The following CHMP3 variants were observed in gnomAD, a reference collection of about 807,000 sequenced individuals.
CHMP3 encodes the protein 25.1 protein.
CHMP3 carries 8 observed loss-of-function variants against 27.4 expected under a neutral mutation model. The ratio of observed to expected loss-of-function variants is 0.29; its 90% CI spans 0.17 to 0.53. CHMP3 has a LOEUF of 0.53. CHMP3 is among the 20% of genes least tolerant of loss of function. The pLI, the probability that CHMP3 is intolerant of heterozygous loss-of-function variation, is 0.96. For missense variants in CHMP3, 208 were observed against 271.5 expected, an observed-to-expected ratio of 0.77 and a Z score of 1.64; for synonymous variants, 86 against 85.5, an observed-to-expected ratio of 1.01 and a Z score of -0.03.
At chr2:86,519,781 T>C (rs1675456297) in intron 3 of CHMP3, among the ~76,000 whole-genome samples, 1 of 152,218 alleles carries the variant, frequency 6.6e-6, no homozygotes, top group Admixed American at 6.5e-5. Flanking sequence ...TTATGAACTG[T>C]AGAACTTAAA....
rs752784791 is a variant in CHMP3 at position 86,505,650 on chromosome 2, C to A, written c.*154G>T. The A allele has an allele frequency of 1.6e-5, 16 of 1,022,894 alleles. No homozygotes were observed. The highest frequency in any genetic ancestry group is 2.1e-5 in the Non-Finnish European group (16 of 763,146). The allele number at this position is 1,022,894 out of a possible 1,614,324, so 63.4% of individuals were successfully genotyped here. A position where few individuals can be genotyped will look rare whatever the true frequency, so the allele number is the denominator to read the frequency against. The stretch of plus-strand genomic sequence containing the variant: ...TTATGCCACTTTTATAAGAACAATC[C>A]CTTTGCGATCCCAAAACCTGGGCAG... On this transcript the variant is annotated 3_prime_UTR_variant, in exon 6 of 6. Transcript: ENST00000263856.
chr2:86,551,941 A>G (rs1676920916), intron 1 of CHMP3, among the ~76,000 whole-genome samples: 2 of 152,236 alleles, frequency 1.3e-5, no homozygotes, highest in African/African-American at 4.8e-5. Flanking sequence ...GCTCACTCAA[A>G]TTTTGGTATC....
chr2:86,518,537 G>A (rs1399204512), intron 3 of CHMP3, among the ~76,000 whole-genome samples: 1 of 151,842 alleles, frequency 6.6e-6, no homozygotes, highest in African/African-American at 2.4e-5. Context: ...AATAAAAAAA[G>A]CTCAAAAGTG....
At chr2:86,523,165 G>C (rs767293315) in intron 3 of CHMP3, among the ~76,000 whole-genome samples, 1 of 152,016 alleles carries the variant, frequency 6.6e-6, no homozygotes, top group African/African-American at 2.4e-5. Flanking sequence ...CCACTTGCTC[G>C]GTACCCAACC....
chr2:86,510,621 G>A, intron 3 of CHMP3, 142 bp from the exon 4 acceptor site: 1 of 1,175,784 alleles, frequency 8.5e-7, no homozygotes, highest in Non-Finnish European at 1.2e-6. Context: ...TAATTACTGT[G>A]CTAGTTGACC....
In CHMP3 at chr2:86,546,031, T is replaced by C. The variant is rs556020587; in HGVS notation, c.46-3719A>G. 1.7e-3 allele frequency among the ~76,000 whole-genome samples: 254 copies of C among 152,264 alleles called. 1 individual carries two copies. Among genetic ancestry groups the C allele is most frequent in the African/African-American group, 5.7e-3 (237 of 41,544 alleles). On this transcript the variant is annotated intron_variant, in intron 1 of 5. Transcript: ENST00000263856. ...GCAGGCGGCTGGGAGGTGGAGGTTG[T>C]AGCGAGCTGAGATCACGCCACTGCA...
chr2:86,557,769 C>A (rs1195611395), intron 1 of CHMP3, among the ~76,000 whole-genome samples: 10 of 152,156 alleles, frequency 6.6e-5, no homozygotes, highest in Admixed American at 2.0e-4. Context: ...AGCTTCCGTT[C>A]CCCATTCTGA....
chr2:86,505,985 C>CTTAA, intron 5 of CHMP3, 36 bp from the exon 6 acceptor site: 2 of 1,490,600 alleles, frequency 1.3e-6, no homozygotes, highest in Non-Finnish European at 1.8e-6. Flanking sequence ...ACCACATTGG[C>CTTAA]TTAAGGAAGC....
In CHMP3 at chr2:86,542,434, A is replaced by G. The variant is rs1018402335; in HGVS notation, c.46-122T>C. On this transcript the variant is annotated intron_variant, in intron 1 of 5. Coordinates refer to ENST00000263856, the MANE Select transcript of CHMP3 (RefSeq NM_016079.4). ...CACAAAATTTAAAAAGCCATTTTCA[A>G]AGACAGAGCTTTAGGGTCAAATTTT... 8 of 969,090 alleles carry G rather than the reference A, an allele frequency of 8.3e-6. No homozygotes were observed. In the African/African-American group the frequency reaches 9.9e-5, roughly 12 times the overall value. 60.0% of individuals were successfully genotyped at this position (969,090 alleles called of 1,614,324 possible).
chr2:86,539,319 T>C (rs1457348618), intron 2 of CHMP3, among the ~76,000 whole-genome samples: 1 of 152,116 alleles, frequency 6.6e-6, no homozygotes, highest in Admixed American at 6.5e-5. Context: ...CTAAACACTT[T>C]ATACATATTC....
At position 86,547,435 on chromosome 2, in the gene CHMP3, G is replaced by T. The variant is rs576269605; in HGVS notation, c.46-5123C>A. The stretch of plus-strand genomic sequence containing the variant: ...AACTTGTAAAATCAAAAGGGGCTTT[G>T]CAAAAAAGAAAAACTTACCTAAGAG... On this transcript the variant is annotated intron_variant, in intron 1 of 5. Coordinates refer to ENST00000263856, the MANE Select transcript of CHMP3 (RefSeq NM_016079.4). Among the ~76,000 whole-genome samples, 7 of 152,174 alleles carry T rather than the reference G, an allele frequency of 4.6e-5. No homozygotes were observed. The East Asian group carries it at 1.3e-3, about 29-fold the overall frequency.
In CHMP3 at chr2:86,504,210, T is replaced by C. The variant is rs573641591; in HGVS notation, c.*1594A>G. 1 of 152,178 alleles carries C rather than the reference T, an allele frequency of 6.6e-6. No individual in the cohort carries two copies. The highest frequency in any genetic ancestry group is 1.5e-5 in the Non-Finnish European group (1 of 68,032). 9.4% of individuals were successfully genotyped at this position (152,178 alleles called of 1,614,324 possible). On this transcript the variant is annotated 3_prime_UTR_variant, in exon 6 of 6. Coordinates refer to ENST00000263856, the MANE Select transcript of CHMP3 (RefSeq NM_016079.4). ...CATACATTTGTCTAAGCCCATACAA[T>C]GTACAACACCAGAGTGAATCTTCAT...
intron 1 of CHMP3, among the ~76,000 whole-genome samples, chr2:86,554,075 G>A (rs1322959627): frequency 1.3e-5 from 2 of 152,080 alleles, no homozygotes; most frequent in Non-Finnish European, 2.9e-5. Context: ...TATAAAATAG[G>A]CCCAAGGTAG....
intron 1 of CHMP3, among the ~76,000 whole-genome samples, chr2:86,551,865 T>A (rs761311905): frequency 6.6e-6 from 1 of 152,216 alleles, no homozygotes; most frequent in African/African-American, 2.4e-5. Context: ...TTAAAGAACA[T>A]GTTTCCCAGT....
chr2:86,516,768 T>A (rs1675322512), intron 3 of CHMP3, among the ~76,000 whole-genome samples: 1 of 152,054 alleles, frequency 6.6e-6, no homozygotes, highest in African/African-American at 2.4e-5. Context: ...AAAAAGCCAA[T>A]CCCAAGAAGT....
intron 3 of CHMP3, among the ~76,000 whole-genome samples, chr2:86,514,791 G>A (rs1046281813): frequency 2.0e-5 from 3 of 152,052 alleles, no homozygotes; most frequent in Admixed American, 1.3e-4. Flanking sequence ...TCAAAGTATC[G>A]TTATATATTT....
chr2:86,547,482 T>A (rs1456648247), intron 1 of CHMP3, among the ~76,000 whole-genome samples: 1 of 152,198 alleles, frequency 6.6e-6, no homozygotes, highest in African/African-American at 2.4e-5. Flanking sequence ...ACCAAAAGTA[T>A]CCAGTCATGT....
intron 3 of CHMP3, among the ~76,000 whole-genome samples, chr2:86,525,570 A>C (rs186046285): frequency 1.0e-3 from 158 of 152,026 alleles, no homozygotes; most frequent in African/African-American, 3.5e-3. Flanking sequence ...TCCTTGCATC[A>C]GATGGGATTC....
At chr2:86,534,729 TA>T (rs1676058816) in intron 2 of CHMP3, among the ~76,000 whole-genome samples, 3 of 152,202 alleles carry the variant, frequency 2.0e-5, no homozygotes, top group Admixed American at 2.0e-4. Context: ...TTGTCTCATA[TA>T]ATCTTTATTT....
Sources: gnomAD v4.1 joint callset for allele counts (sites outside exome capture counted in the v4.1 genomes callset) on GRCh38, gnomAD v4.1.1 for gene constraint, MANE v1.5 for transcripts, NCBI Gene and HGNC (gene_info 2026-07-23, HGNC 2026-07-21) for gene names.